The following IQANK1 variants were observed in gnomAD, a reference collection of about 807,000 sequenced individuals.
IQANK1 encodes the protein IQ motif and ankyrin repeat containing 1, also known as IQ motif and ankyrin repeat domain-containing protein 1.
In IQANK1, 30 loss-of-function variants were observed where a neutral mutation model predicts 22.6. The ratio of observed to expected loss-of-function variants is 1.33; its 90% CI spans 0.99 to 1.80. The LOEUF (loss-of-function observed/expected upper bound fraction) is 1.80. Among genes scored for constraint, IQANK1 ranks in the 40% most tolerant of loss-of-function variants. The pLI is 0.00. For synonymous variants in IQANK1, 122 were observed against 99.6 expected (o/e 1.23, Z -1.34); for missense variants, 275 against 235.2 (o/e 1.17, Z -1.11).
At chr8:143,737,374 G>C (rs547678032) in intron 2 of IQANK1, among the ~76,000 whole-genome samples, 2 of 152,340 alleles carry the variant, frequency 1.3e-5, no homozygotes, top group South Asian at 4.1e-4. Flanking sequence ...TGGGTCTGCT[G>C]CAGGGACACC....
intron 1 of IQANK1, among the ~76,000 whole-genome samples, chr8:143,734,479 G>C (rs1554625339): frequency 6.7e-6 from 1 of 149,088 alleles, no homozygotes; most frequent in East Asian, 2.0e-4. Context: ...CTGCCGCAGT[G>C]ACCCCCCCAT....
At position 143,771,136 on chromosome 8, in the gene IQANK1, G is replaced by C. The variant is rs1554629709; in HGVS notation, c.176-352G>C. On this transcript the variant is annotated intron_variant, in intron 3 of 13. Transcript: ENST00000527139. This position sits in a 1 kb window ranked among gnomAD's most constrained non-coding sequence, Gnocchi z 6.0. ...TTCGCTCGCTGGGGCCTGGATGCAG[G>C]AGGGGCCTTCGGCTTTCAGGGAAGG... Among the ~76,000 whole-genome samples, 3 of 152,226 alleles carry C rather than the reference G, an allele frequency of 2.0e-5. No homozygotes were observed.
chr8:143,752,714 A>G lies in IQANK1; in HGVS notation c.175+12766A>G, dbSNP rs186825626. On this transcript the variant is annotated intron_variant, in intron 3 of 13. Transcript: ENST00000527139. ...TTATAATTGCCTAAGTATTAAATAC[A>G]GTAACATGCTGTACATATTTGTAGC... Among the ~76,000 whole-genome samples, 59 of 152,366 alleles carry G rather than the reference A, an allele frequency of 3.9e-4. No individual in the cohort carries two copies. In the East Asian group the frequency reaches 0.01, roughly 26 times the overall value.
intron 3 of IQANK1, among the ~76,000 whole-genome samples, chr8:143,761,683 G>A (rs1819399794): frequency 6.6e-6 from 1 of 152,074 alleles, no homozygotes; most frequent in Non-Finnish European, 1.5e-5. Flanking sequence ...GATCGCTTGA[G>A]CCCAGGGAGG....
At chr8:143,773,292 G>A (rs1157550681) in intron 7 of IQANK1, among the ~76,000 whole-genome samples, 1 of 140,260 alleles carries the variant, frequency 7.1e-6, no homozygotes, top group South Asian at 2.2e-4. Context: ...GGGCAACAGA[G>A]TGAGACTCAA....
At chr8:143,787,854 C>T (rs1819923347) in intron 7 of IQANK1, among the ~76,000 whole-genome samples, 1 of 152,070 alleles carries the variant, frequency 6.6e-6, no homozygotes, top group Non-Finnish European at 1.5e-5. Context: ...GTGCCTTCTG[C>T]TTGCTCCATG....
intron 3 of IQANK1, among the ~76,000 whole-genome samples, chr8:143,769,261 C>T (rs911904043): frequency 7.9e-5 from 12 of 152,122 alleles, no homozygotes; most frequent in South Asian, 4.2e-4. Context: ...GGTCTCCCTA[C>T]GTGGCCCAGG....
At position 143,790,642 on chromosome 8, in the gene IQANK1, G is replaced by A. The variant is rs550218809; in HGVS notation, c.*34G>A. The A allele has an allele frequency of 1.2e-4, 49 of 398,506 alleles. No homozygotes were observed. Among genetic ancestry groups the A allele is most frequent in the African/African-American group, 7.6e-4 (37 of 48,764 alleles). The allele number at this position is 398,506 out of a possible 1,614,324, so 24.7% of individuals were successfully genotyped here. On this transcript the variant is annotated 3_prime_UTR_variant, in exon 14 of 14. Transcript: ENST00000527139. The stretch of plus-strand genomic sequence containing the variant: ...CCAGTCCCAATAAAACGTGTGCCCC[G>A]GGGCGCGGTGCTGCATCTGTGCTGC...
intron 3 of IQANK1, among the ~76,000 whole-genome samples, chr8:143,752,128 G>C (rs924155691): frequency 6.6e-6 from 1 of 152,070 alleles, no homozygotes; most frequent in Non-Finnish European, 1.5e-5. Flanking sequence ...ACCAGGCCCA[G>C]CTAATTTTTG....
Position 143,759,074 on chromosome 8 carries a change from G to C in IQANK1, c.176-12414G>C, listed in dbSNP as rs539721756. The C allele has an allele frequency of 4.5e-4, 128 of 282,806 alleles. 1 individual carries two copies. The highest frequency in any genetic ancestry group is 2.8e-3 in the African/African-American group (123 of 44,292). 17.5% of individuals were successfully genotyped at this position (282,806 alleles called of 1,614,324 possible). On this transcript the variant is annotated intron_variant, in intron 3 of 13. Coordinates refer to ENST00000527139, the MANE Select transcript of IQANK1 (RefSeq NM_001381874.1). ...GGCCCTGGGATGAGGTCCTGCATTT[G>C]GCCGGACATGACTCAATACTGATCT...
chr8:143,763,046 T>G (rs1282441091), intron 3 of IQANK1, among the ~76,000 whole-genome samples: 1 of 151,982 alleles, frequency 6.6e-6, no homozygotes, highest in Non-Finnish European at 1.5e-5. Context: ...AAACTGAGTC[T>G]TGCTCTGTCA....
At chr8:143,780,134 A>G (rs1554630811) in intron 7 of IQANK1, among the ~76,000 whole-genome samples, 1 of 152,156 alleles carries the variant, frequency 6.6e-6, no homozygotes, top group African/African-American at 2.4e-5. Flanking sequence ...ACCTCTCCCC[A>G]GATCATCATA....
chr8:143,740,076 G>T (rs971726514), intron 3 of IQANK1, 128 bp downstream of exon 3: 2 of 534,548 alleles, frequency 3.7e-6, no homozygotes, highest in Admixed American at 3.5e-5. Context: ...GCTTGTGCGC[G>T]CACGTGTGGG....
At chr8:143,737,983 C>A (rs1053294258) in intron 2 of IQANK1, among the ~76,000 whole-genome samples, 1 of 152,188 alleles carries the variant, frequency 6.6e-6, no homozygotes, top group Non-Finnish European at 1.5e-5. Context: ...CCAGCTCAGA[C>A]CCCGGAGCAG....
intron 3 of IQANK1, chr8:143,742,184 G>A (rs1431235968): frequency 4.2e-5 from 15 of 358,828 alleles, no homozygotes; most frequent in African/African-American, 2.8e-4. Flanking sequence ...CCACTGTCCC[G>A]GGCTCGTTCA....
At chr8:143,743,677 C>T (rs1390854127) in intron 3 of IQANK1, among the ~76,000 whole-genome samples, 9 of 152,314 alleles carry the variant, frequency 5.9e-5, no homozygotes, top group East Asian at 1.9e-4. Context: ...CACCAGAACA[C>T]GAAGCCTGCT....
chr8:143,783,663 A>AGC (rs1819836682), intron 7 of IQANK1, among the ~76,000 whole-genome samples: 1 of 152,206 alleles, frequency 6.6e-6, no homozygotes, highest in Non-Finnish European at 1.5e-5. Context: ...CCAAGGACAT[A>AGC]AAGATATTTT....
At chr8:143,752,947 A>G (rs1487262202) in intron 3 of IQANK1, among the ~76,000 whole-genome samples, 2 of 129,316 alleles carry the variant, frequency 1.5e-5, no homozygotes, top group Non-Finnish European at 3.2e-5. Context: ...CCTAAAATGT[A>G]TATGTTGGCC....
intron 2 of IQANK1, among the ~76,000 whole-genome samples, chr8:143,737,605 C>G (rs1428569241): frequency 4.6e-5 from 7 of 152,190 alleles, no homozygotes; most frequent in Non-Finnish European, 1.0e-4. Flanking sequence ...CGCACCAACA[C>G]AACAGTCCGG....
Sources: allele counts gnomAD v4.1 joint callset (sites outside exome capture counted in the v4.1 genomes callset), GRCh38; gene constraint gnomAD v4.1.1; non-coding constraint Gnocchi (gnomAD v3.1); transcripts MANE v1.5; gene names NCBI Gene and HGNC (gene_info 2026-07-23, HGNC 2026-07-21).